AFG2A: variants seen among roughly 807,000 people sequenced by gnomAD.
AFG2A encodes the protein AAA ATPase AFG2A, also known as ATPase family gene 2 protein homolog A.
chr4:123,126,867 T>C, the AFG2A span, among the ~76,000 whole-genome samples: 1 of 152,164 alleles, frequency 6.6e-6, no homozygotes, highest in Non-Finnish European at 1.5e-5. Flanking sequence ...AGAGATCAAA[T>C]CATATTTTTG....
At chr4:123,244,373 G>C in the AFG2A span, among the ~76,000 whole-genome samples, 1 of 152,188 alleles carries the variant, frequency 6.6e-6, no homozygotes, top group African/African-American at 2.4e-5. Context: ...TTTGGGGTGA[G>C]AGACAGAAAC....
the AFG2A span, among the ~76,000 whole-genome samples, chr4:123,038,733 G>T: frequency 6.6e-6 from 1 of 152,046 alleles, no homozygotes; most frequent in African/African-American, 2.4e-5. Context: ...AGTAACACTT[G>T]ACTTGAATTA....
chr4:123,255,722 T>C, the AFG2A span, among the ~76,000 whole-genome samples: 4 of 142,274 alleles, frequency 2.8e-5, no homozygotes, highest in African/African-American at 7.8e-5. Flanking sequence ...TTTCTATTTT[T>C]TTTTTTTTTT....
the AFG2A span, among the ~76,000 whole-genome samples, chr4:123,042,906 T>TA: frequency 6.6e-6 from 1 of 152,218 alleles, no homozygotes; most frequent in African/African-American, 2.4e-5. Flanking sequence ...TTTAGTCAGT[T>TA]ACCTCTTAAA....
chr4:123,021,345 GACAA>G, the AFG2A span, among the ~76,000 whole-genome samples: 1 of 147,940 alleles, frequency 6.8e-6, no homozygotes. Flanking sequence ...CTAATTACAT[GACAA>G]ACAGTCTTCA....
the AFG2A span, among the ~76,000 whole-genome samples, chr4:122,998,782 G>A: frequency 6.6e-6 from 1 of 152,180 alleles, no homozygotes; most frequent in Non-Finnish European, 1.5e-5. Flanking sequence ...ATGTGTGCAT[G>A]TGTCTTTATA....
the AFG2A span, among the ~76,000 whole-genome samples, chr4:122,940,208 C>G: frequency 1.3e-5 from 2 of 151,616 alleles, no homozygotes; most frequent in Admixed American, 6.6e-5. Flanking sequence ...AATCGCCACA[C>G]TGACTTCCAC....
At chr4:123,231,772 G>A in the AFG2A span, among the ~76,000 whole-genome samples, 8 of 151,910 alleles carry the variant, frequency 5.3e-5, no homozygotes, top group Non-Finnish European at 2.9e-5. Flanking sequence ...CCATTGTAGG[G>A]TTATTCATTG....
At chr4:123,039,148 A>G in the AFG2A span, among the ~76,000 whole-genome samples, 1 of 152,126 alleles carries the variant, frequency 6.6e-6, no homozygotes, top group Non-Finnish European at 1.5e-5. Context: ...CAGGTTCTCT[A>G]ATCTCTTTCC....
the AFG2A span, among the ~76,000 whole-genome samples, chr4:123,132,555 T>C: frequency 6.7e-6 from 1 of 148,480 alleles, no homozygotes; most frequent in African/African-American, 2.5e-5. Context: ...ACAACCAGTG[T>C]TCATTGATAG....
At chr4:122,932,021 C>G in the AFG2A span, among the ~76,000 whole-genome samples, 4 of 152,134 alleles carry the variant, frequency 2.6e-5, no homozygotes, top group Non-Finnish European at 5.9e-5. Flanking sequence ...AATCCCAGCA[C>G]TTTGGGAGGC....
At chr4:123,202,148 G>C in the AFG2A span, among the ~76,000 whole-genome samples, 4 of 151,790 alleles carry the variant, frequency 2.6e-5, no homozygotes, top group African/African-American at 4.8e-5. Context: ...GTTTATGCTG[G>C]GGTTAATATT....
chr4:123,198,808 C>T, the AFG2A span, among the ~76,000 whole-genome samples: 1 of 152,084 alleles, frequency 6.6e-6, no homozygotes, highest in Admixed American at 6.6e-5. Flanking sequence ...TTCTGTTACT[C>T]GTTATATAAT....
the AFG2A span, among the ~76,000 whole-genome samples, chr4:123,278,431 G>A: frequency 1.3e-5 from 2 of 151,950 alleles, no homozygotes; most frequent in Non-Finnish European, 2.9e-5. Flanking sequence ...CTTTTGTATG[G>A]TTTTTCATAT....
the AFG2A span, among the ~76,000 whole-genome samples, chr4:123,187,351 G>T: frequency 6.6e-5 from 10 of 152,132 alleles, no homozygotes; most frequent in African/African-American, 2.4e-4. Flanking sequence ...AGTTCATTCT[G>T]GAATGGCTGA....
chr4:123,112,965 T>TA, the AFG2A span, among the ~76,000 whole-genome samples: 1 of 152,232 alleles, frequency 6.6e-6, no homozygotes, highest in Non-Finnish European at 1.5e-5. Flanking sequence ...ATCTGGTTTA[T>TA]AACTAATCTA....
chr4:122,986,656 G>A, the AFG2A span, among the ~76,000 whole-genome samples: 1 of 152,012 alleles, frequency 6.6e-6, no homozygotes, highest in Non-Finnish European at 1.5e-5. Context: ...ACACTGCTCG[G>A]GTGATGACTG....
At chr4:123,100,810 A>C in the AFG2A span, among the ~76,000 whole-genome samples, 5 of 151,960 alleles carry the variant, frequency 3.3e-5, no homozygotes, top group Non-Finnish European at 7.4e-5. Flanking sequence ...AGTTTCAGCA[A>C]CTGAGGCACA....
At chr4:123,297,850 C>G in the AFG2A span, among the ~76,000 whole-genome samples, 1 of 152,126 alleles carries the variant, frequency 6.6e-6, no homozygotes, top group African/African-American at 2.4e-5. Flanking sequence ...TGCAATAGTA[C>G]ATTTTGAGGC....
Sources: gnomAD v4.1 joint callset for allele counts (sites outside exome capture counted in the v4.1 genomes callset) on GRCh38, gnomAD v4.1.1 for gene constraint, MANE v1.5 for transcripts, NCBI Gene and HGNC (gene_info 2026-07-23, HGNC 2026-07-21) for gene names.